The following SLC8A1 variants were observed in gnomAD, a reference collection of about 807,000 sequenced individuals.
The protein encoded by SLC8A1 is sodium/calcium exchanger 1.
In SLC8A1, 18 loss-of-function variants were observed where a neutral mutation model predicts 68.3. The observed-to-expected ratio is 0.26, with a 90% CI of 0.18 to 0.39. The LOEUF (loss-of-function observed/expected upper bound fraction) is 0.39. Among genes scored for constraint, SLC8A1 ranks in the 10% least tolerant of loss-of-function variants. SLC8A1 has a pLI of 1.00. For synonymous variants in SLC8A1, 475 were observed against 415.5 expected (o/e 1.14, Z -1.74); for missense variants, 985 against 1,156.7 (o/e 0.85, Z 2.15).
chr2:40,363,601 A>C (rs929581482), intron 2 of SLC8A1, among the ~76,000 whole-genome samples: 12 of 152,258 alleles, frequency 7.9e-5, no homozygotes, highest in African/African-American at 2.9e-4. Flanking sequence ...CCATTATGTC[A>C]GTTGTTCAGT....
At chr2:40,308,101 T>G (rs1272060610) in intron 2 of SLC8A1, among the ~76,000 whole-genome samples, 1 of 152,218 alleles carries the variant, frequency 6.6e-6, no homozygotes, top group East Asian at 1.9e-4. Context: ...AACCCCATTT[T>G]GGCCCAATAT....
exon 8 of SLC8A1, chr2:40,106,797 GTCTT>G (rs1419333117): frequency 9.9e-5 from 15 of 152,178 alleles, no homozygotes; most frequent in Non-Finnish European, 1.5e-5. Context: ...ATAAAACAAA[GTCTT>G]TCCACCATTT....
chr2:40,506,780 G>C (rs1384937362), intron 1 of SLC8A1, among the ~76,000 whole-genome samples: 1 of 151,910 alleles, frequency 6.6e-6, no homozygotes, highest in African/African-American at 2.4e-5. Flanking sequence ...ATTAATGATA[G>C]CAAAATCATC....
At chr2:40,183,317 G>A (rs1471579290) in intron 2 of SLC8A1, among the ~76,000 whole-genome samples, 5 of 152,140 alleles carry the variant, frequency 3.3e-5, no homozygotes, top group Non-Finnish European at 4.4e-5. Context: ...CATTAATAAC[G>A]AGTTTTATTG....
At chr2:40,164,961 G>T (rs147643725) in exon 5 of SLC8A1, 2 of 1,613,792 alleles carry the variant, frequency 1.2e-6, no homozygotes, top group Non-Finnish European at 1.7e-6. Flanking sequence ...TTGCTGGTCA[G>T]TGGCTGCTTG....
chr2:40,128,948 T>G (rs1382580432), intron 7 of SLC8A1, among the ~76,000 whole-genome samples: 1 of 152,134 alleles, frequency 6.6e-6, no homozygotes, highest in Non-Finnish European at 1.5e-5. Context: ...ACCTATTGAG[T>G]CAGAAAGTAC....
intron 1 of SLC8A1, among the ~76,000 whole-genome samples, chr2:40,469,103 A>G (rs1232116158): frequency 6.6e-6 from 1 of 152,196 alleles, no homozygotes; most frequent in East Asian, 1.9e-4. Flanking sequence ...GGTCTCATTA[A>G]CAGTGTGTGT....
chr2:40,098,374 G>C (rs899262722), exon 8 of SLC8A1: 10 of 151,932 alleles, frequency 6.6e-5, no homozygotes, highest in Non-Finnish European at 1.5e-5. Context: ...ATTTGAAATG[G>C]CTAGTTCTTG....
At chr2:40,402,985 T>G (rs902562663) in intron 2 of SLC8A1, among the ~76,000 whole-genome samples, 2 of 152,138 alleles carry the variant, frequency 1.3e-5, no homozygotes, top group African/African-American at 2.4e-5. Context: ...AGCCACAAAT[T>G]TTTCCCCTAA....
intron 1 of SLC8A1, among the ~76,000 whole-genome samples, chr2:40,466,859 C>T (rs1310487287): frequency 6.6e-6 from 1 of 151,322 alleles, no homozygotes; most frequent in Admixed American, 6.6e-5. Flanking sequence ...ACCTGAAAAA[C>T]TATATATGAT....
At chr2:40,358,048 G>GAAAAAA (rs776231355) in intron 2 of SLC8A1, among the ~76,000 whole-genome samples, 2 of 77,730 alleles carry the variant, frequency 2.6e-5, no homozygotes, top group African/African-American at 5.1e-5. Flanking sequence ...GCAACTGAAG[G>GAAAAAA]AAAAAAAAAA....
chr2:40,265,245 C>G (rs1158442736), intron 2 of SLC8A1, among the ~76,000 whole-genome samples: 2 of 152,104 alleles, frequency 1.3e-5, no homozygotes, highest in East Asian at 3.9e-4. Flanking sequence ...TACAGTTGTC[C>G]ATTACAGCAG....
rs919992935 is a variant in SLC8A1 at position 40,216,329 on chromosome 2, A to G, written c.1809-38474T>C. 2.6e-5 allele frequency among the ~76,000 whole-genome samples: 4 copies of G among 152,294 alleles called. No homozygotes were observed. The East Asian group carries it at 7.7e-4, about 29-fold the overall frequency. The stretch of plus-strand genomic sequence containing the variant: ...CTTCATCCATGTCCTTGCAAAGGAC[A>G]TGATCTCATTCTTTTCATGGTTGCA... On this transcript the variant is annotated intron_variant, in intron 2 of 7. Transcript: ENST00000406785.
At chr2:40,288,786 C>G (rs1350938737) in intron 2 of SLC8A1, among the ~76,000 whole-genome samples, 1 of 149,966 alleles carries the variant, frequency 6.7e-6, no homozygotes, top group Non-Finnish European at 1.5e-5. Context: ...TTTGATCCCA[C>G]AGAATCTTAA....
chr2:40,404,963 A>G (rs1178909771), intron 2 of SLC8A1, among the ~76,000 whole-genome samples: 1 of 152,152 alleles, frequency 6.6e-6, no homozygotes, highest in African/African-American at 2.4e-5. Flanking sequence ...CTATTTGTCA[A>G]ATACTTGTAT....
At chr2:40,340,211 T>C (rs564673098) in intron 2 of SLC8A1, among the ~76,000 whole-genome samples, 1 of 152,276 alleles carries the variant, frequency 6.6e-6, no homozygotes, top group Admixed American at 6.5e-5. Flanking sequence ...ATAAGAAACA[T>C]GTCTATTTCA....
intron 2 of SLC8A1, among the ~76,000 whole-genome samples, chr2:40,244,692 A>C (rs2061636120): frequency 1.3e-5 from 2 of 152,234 alleles, no homozygotes; most frequent in South Asian, 2.1e-4. Context: ...CTAAGTGAGA[A>C]GATCCTACCT....
At chr2:40,129,333 T>G (rs1402095062) in intron 7 of SLC8A1, among the ~76,000 whole-genome samples, 5 of 151,684 alleles carry the variant, frequency 3.3e-5, no homozygotes, top group Non-Finnish European at 7.4e-5. Flanking sequence ...TGGGCTCAAG[T>G]GATCCTCCCA....
At chr2:40,422,282 A>C (rs1299625808) in intron 2 of SLC8A1, among the ~76,000 whole-genome samples, 1 of 152,170 alleles carries the variant, frequency 6.6e-6, no homozygotes, top group Non-Finnish European at 1.5e-5. Context: ...GTAAATCTCC[A>C]ATGGTCAGAT....
Sources: gnomAD v4.1 joint callset for allele counts (sites outside exome capture counted in the v4.1 genomes callset) on GRCh38, gnomAD v4.1.1 for gene constraint, MANE v1.5 for transcripts, NCBI Gene and HGNC (gene_info 2026-07-23, HGNC 2026-07-21) for gene names.